The following NXPH1 variants were observed in gnomAD, a reference collection of about 807,000 sequenced individuals.
The protein encoded by NXPH1 is neurexophilin 1, also known as neurexophilin-1.
NXPH1 carries 5 observed loss-of-function variants against 23.7 expected under a neutral mutation model. The ratio of observed to expected loss-of-function variants is 0.21; its 90% CI spans 0.11 to 0.44. NXPH1 has a LOEUF of 0.44. Ranked by LOEUF, NXPH1 falls within the 20% of genes least tolerant of loss-of-function variation. The pLI is 0.99. For missense variants in NXPH1, 324 were observed against 321.6 expected, an observed-to-expected ratio of 1.01 and a Z score of -0.06; for synonymous variants, 144 against 122.2, an observed-to-expected ratio of 1.18 and a Z score of -1.18.
At position 8,699,938 on chromosome 7, in the gene NXPH1, T is replaced by G. The variant is rs571558359; in HGVS notation, c.55-51070T>G. On this transcript the variant is annotated intron_variant, in intron 2 of 2. Coordinates refer to ENST00000405863, the MANE Select transcript of NXPH1 (RefSeq NM_152745.3). ...TAGAAGAAATTAATTACACTGCCTG[T>G]GGTTATTATCTTCACAGAATCAAAT... Among the ~76,000 whole-genome samples, 7 of 152,284 alleles carry G rather than the reference T, an allele frequency of 4.6e-5. No homozygotes were observed. In the South Asian group the frequency reaches 1.2e-3, roughly 27 times the overall value.
chr7:8,529,375 A>G lies in NXPH1; in HGVS notation c.54+93608A>G, dbSNP rs1248044388. ...GAGGGATTACAGCAGGAAGCACAGT[A>G]TAGGCAGCTGTGTGGGTGCAGTACA... On this transcript the variant is annotated intron_variant, in intron 2 of 2. Transcript: ENST00000405863. 2.0e-5 allele frequency among the ~76,000 whole-genome samples: 3 copies of G among 152,350 alleles called. No individual in the cohort carries two copies. In the East Asian group the frequency reaches 5.8e-4, roughly 29 times the overall value.
chr7:8,646,519 G>A (rs1820402274), intron 2 of NXPH1, among the ~76,000 whole-genome samples: 1 of 151,958 alleles, frequency 6.6e-6, no homozygotes, highest in African/African-American at 2.4e-5. Flanking sequence ...ATGCTAATAA[G>A]GAGTATCTTT....
At chr7:8,480,315 A>G (rs1211500426) in intron 2 of NXPH1, among the ~76,000 whole-genome samples, 1 of 152,182 alleles carries the variant, frequency 6.6e-6, no homozygotes, top group Non-Finnish European at 1.5e-5. Flanking sequence ...TCTCTCCTGG[A>G]TGAATTCTGT....
chr7:8,506,619 A>G (rs1019473106), intron 2 of NXPH1, among the ~76,000 whole-genome samples: 4 of 152,052 alleles, frequency 2.6e-5, no homozygotes, highest in Admixed American at 2.6e-4. Context: ...AATACAGCAA[A>G]TAAATTTGAT....
intron 2 of NXPH1, among the ~76,000 whole-genome samples, chr7:8,736,095 AT>A (rs1198779903): frequency 3.9e-5 from 6 of 151,974 alleles, no homozygotes; most frequent in African/African-American, 1.5e-4. Flanking sequence ...GGATTCATTG[AT>A]TTTTTGAAGG....
chr7:8,740,300 T>C (rs1780339201), intron 2 of NXPH1, among the ~76,000 whole-genome samples: 1 of 152,164 alleles, frequency 6.6e-6, no homozygotes, highest in African/African-American at 2.4e-5. Context: ...TCCTCTTATC[T>C]GATTTTTACC....
At chr7:8,538,371 A>G (rs1818061935) in intron 2 of NXPH1, among the ~76,000 whole-genome samples, 1 of 151,904 alleles carries the variant, frequency 6.6e-6, no homozygotes, top group Non-Finnish European at 1.5e-5. Flanking sequence ...GAGATAATAC[A>G]GTGAAATAGT....
In NXPH1 at chr7:8,435,495, C is replaced by CTT. The variant is rs143262821; in HGVS notation, c.-110-100_-110-99dup. ...TTTCAATTTTTCGTACCCTCCCTCCCTTTTTTTTTTGGTCCCCCACTCCCC... is the reference window on the plus strand; with the variant it reads ...TTTCAATTTTTCGTACCCTCCCTCCCTTTTTTTTTTTTGGTCCCCCACTCCCC... On this transcript the variant is annotated intron_variant, in intron 1 of 2. Transcript: ENST00000405863. This position sits in a 1 kb window ranked among gnomAD's most constrained non-coding sequence, Gnocchi z 5.9. 3.8e-4 allele frequency: 185 copies of CTT among 490,748 alleles called. No homozygotes were observed. The highest frequency in any genetic ancestry group is 3.5e-3 in the African/African-American group (171 of 49,522). The allele number at this position is 490,748 out of a possible 1,614,324, so 30.4% of individuals were successfully genotyped here.
rs563534520 is a variant in NXPH1, at chr7:8,561,115, A to T, written c.54+125348A>T. On this transcript the variant is annotated intron_variant, in intron 2 of 2. Coordinates refer to ENST00000405863, the MANE Select transcript of NXPH1 (RefSeq NM_152745.3). ...CGGGAATTCTATATACTCTCCCAGT[A>T]GGATAGACAGATGCACATACAGGGA... 2.0e-5 allele frequency among the ~76,000 whole-genome samples: 3 copies of T among 151,794 alleles called. No individual in the cohort carries two copies. The South Asian group carries it at 6.2e-4, about 31-fold the overall frequency.
chr7:8,435,882 C>T lies in NXPH1; in HGVS notation c.54+115C>T, dbSNP rs1302078128. 1 of 1,010,556 alleles carries T rather than the reference C, an allele frequency of 9.9e-7. No individual in the cohort carries two copies. Among genetic ancestry groups the T allele is most frequent in the East Asian group, 2.4e-5 (1 of 42,082 alleles). 62.6% of individuals were successfully genotyped at this position (1,010,556 alleles called of 1,614,324 possible). Reference sequence around the variant, plus strand: ...CAGTTCAGTGAGAGCAGCTTCCTAGCAGCTGTGTTGGAGCAACTTTGGCAA... The same window carrying T: ...CAGTTCAGTGAGAGCAGCTTCCTAGTAGCTGTGTTGGAGCAACTTTGGCAA... On this transcript the variant is annotated intron_variant, in intron 2 of 2. Transcript: ENST00000405863. The surrounding 1 kb of genome is among the most constrained non-coding windows in gnomAD (Gnocchi z 5.9).
At chr7:8,490,641 T>A (rs150972442) in intron 2 of NXPH1, among the ~76,000 whole-genome samples, 1 of 152,046 alleles carries the variant, frequency 6.6e-6, no homozygotes, top group East Asian at 1.9e-4. Flanking sequence ...GGGAACATTT[T>A]GACTACAACT....
intron 2 of NXPH1, among the ~76,000 whole-genome samples, chr7:8,482,094 C>G (rs1020243626): frequency 6.6e-6 from 1 of 152,224 alleles, no homozygotes; most frequent in East Asian, 1.9e-4. Flanking sequence ...TACGCAGAAG[C>G]TGTGGCCCAA....
intron 2 of NXPH1, among the ~76,000 whole-genome samples, chr7:8,453,283 CT>C (rs1816538267): frequency 6.6e-6 from 1 of 152,122 alleles, no homozygotes; most frequent in Admixed American, 6.6e-5. Flanking sequence ...ATCTTGCCTT[CT>C]TAGTCACCGA....
At chr7:8,459,227 T>A (rs945230085) in intron 2 of NXPH1, among the ~76,000 whole-genome samples, 9 of 152,160 alleles carry the variant, frequency 5.9e-5, no homozygotes, top group Non-Finnish European at 8.8e-5. Context: ...AAATTATTCA[T>A]TTTTACCTGA....
intron 2 of NXPH1, among the ~76,000 whole-genome samples, chr7:8,611,284 C>G (rs1253644148): frequency 6.6e-6 from 1 of 152,102 alleles, no homozygotes; most frequent in South Asian, 2.1e-4. Flanking sequence ...CCCCAAGTTT[C>G]TCTCAATCGG....
At chr7:8,580,781 C>A (rs1376265013) in intron 2 of NXPH1, among the ~76,000 whole-genome samples, 2 of 151,850 alleles carry the variant, frequency 1.3e-5, no homozygotes, top group African/African-American at 2.4e-5. Context: ...GTTTCTGGGG[C>A]CTGTTAGGCT....
At chr7:8,593,244 G>A (rs892273141) in intron 2 of NXPH1, among the ~76,000 whole-genome samples, 4 of 150,666 alleles carry the variant, frequency 2.7e-5, no homozygotes, top group African/African-American at 4.9e-5. Flanking sequence ...ATTCGGTAAC[G>A]GGTTATCTGC....
intron 2 of NXPH1, among the ~76,000 whole-genome samples, chr7:8,643,638 A>G (rs941208885): frequency 8.5e-5 from 13 of 152,188 alleles, no homozygotes; most frequent in Non-Finnish European, 1.6e-4. Context: ...GATAATATAT[A>G]ATACGAACAA....
At chr7:8,471,589 G>A (rs1025077780) in intron 2 of NXPH1, among the ~76,000 whole-genome samples, 19 of 152,002 alleles carry the variant, frequency 1.2e-4, no homozygotes, top group Admixed American at 5.9e-4. Context: ...ATCTTGACTT[G>A]GCATGGAACA....
Sources: gnomAD v4.1 joint callset for allele counts (sites outside exome capture counted in the v4.1 genomes callset) on GRCh38, gnomAD v4.1.1 for gene constraint, Gnocchi (gnomAD v3.1) non-coding constraint, MANE v1.5 for transcripts, NCBI Gene and HGNC (gene_info 2026-07-23, HGNC 2026-07-21) for gene names.